Variants in GCSAM observed in about 807,000 individuals in gnomAD.
The protein encoded by GCSAM is germinal center associated signaling and motility.
GCSAM carries 8 observed loss-of-function variants against 17.6 expected under a neutral mutation model. The observed-to-expected ratio is 0.46, with a 90% CI of 0.27 to 0.82. The LOEUF (loss-of-function observed/expected upper bound fraction) is 0.82, where lower values mean the gene tolerates loss of function less well. Among genes scored for constraint, GCSAM ranks in the 40% least tolerant of loss-of-function variants. GCSAM has a pLI of 0.15. For synonymous variants in GCSAM, 68 were observed against 69.0 expected (o/e 0.98, Z 0.07); for missense variants, 192 against 213.5 (o/e 0.90, Z 0.63).
Position 112,123,535 on chromosome 3 carries a change from G to T in GCSAM, c.457C>A (p.Pro153Thr), listed in dbSNP as rs754450933. 1 of 1,614,194 alleles carries T rather than the reference G, an allele frequency of 6.2e-7. No homozygotes were observed. Among genetic ancestry groups the T allele is most frequent in the Middle Eastern group, 1.6e-4 (1 of 6,062 alleles). The change falls in exon 6 of 6, where the codon CCT becomes ACT. Residue 153 changes from proline (P) to threonine (T), a missense_variant. Coordinates refer to ENST00000308910, the MANE Select transcript of GCSAM (RefSeq NM_152785.5). ...SPEDEYELLM[P>T]HRISSHFLQQ... The stretch of plus-strand genomic sequence containing the variant: ...AGAAAGTGAGAGGAGATTCTGTGAG[G>T]CATGAGAAGTTCATATTCATCTTCT...
chr3:112,132,567 A>G (rs981791853), intron 1 of GCSAM: 1 of 701,374 alleles, frequency 1.4e-6, no homozygotes, highest in Non-Finnish European at 1.8e-6. Flanking sequence ...TCTACTTAAA[A>G]TAAAGAGGCT....
chr3:112,132,546 G>A (rs1234980401), intron 1 of GCSAM: 5 of 490,598 alleles, frequency 1.0e-5, no homozygotes, highest in African/African-American at 4.2e-5. Flanking sequence ...GGTAGATATT[G>A]TATTATTATT....
chr3:112,133,239 G>A lies in GCSAM; in HGVS notation c.-119C>T. 2 of 1,046,188 alleles carry A rather than the reference G, an allele frequency of 1.9e-6. No individual in the cohort carries two copies. The highest frequency in any genetic ancestry group is 2.4e-5 in the East Asian group (1 of 41,982). 64.8% of individuals were successfully genotyped at this position (1,046,188 alleles called of 1,614,324 possible). On this transcript the variant is annotated 5_prime_UTR_variant, in exon 1 of 6. Transcript: ENST00000308910. ...CTGTGTGGCTCTGGCCACCCGTGCA[G>A]AGACAGCAGAAAGGAGAAGGGTGTC...
intron 4 of GCSAM, among the ~76,000 whole-genome samples, 188 bp from the exon 5 acceptor site, chr3:112,125,442 G>C (rs996376454): frequency 8.5e-5 from 13 of 152,226 alleles, no homozygotes; most frequent in African/African-American, 3.1e-4. Flanking sequence ...AGCTAGAGCT[G>C]TGCTCAGCCT....
Position 112,123,375 on chromosome 3 carries a change from G to C in GCSAM, c.*80C>G, listed in dbSNP as rs1467938713. ...GGGAGATAAGCTGGAGGGACTTTGT[G>C]TCCCATCCCTGCTTCAGGCAGATCC... is the stretch of plus-strand genomic sequence containing the variant. On this transcript the variant is annotated 3_prime_UTR_variant, in exon 6 of 6. Transcript: ENST00000308910. 1 of 1,556,420 alleles carries C rather than the reference G, an allele frequency of 6.4e-7. No individual in the cohort carries two copies. The highest frequency in any genetic ancestry group is 8.7e-7 in the Non-Finnish European group (1 of 1,152,122).
chr3:112,124,052 T>C (rs2074255626), intron 5 of GCSAM, among the ~76,000 whole-genome samples: 1 of 152,164 alleles, frequency 6.6e-6, no homozygotes, highest in South Asian at 2.1e-4. Flanking sequence ...CCCCTGCAAA[T>C]CTAATGTTGA....
In GCSAM at chr3:112,132,987, T is replaced by A. The variant is rs79311268; in HGVS notation, c.29+105A>T. The A allele has an allele frequency of 2.2e-3, 2,541 of 1,143,018 alleles. 46 individuals are homozygous for A. In the African/African-American group the frequency reaches 0.034, roughly 15 times the overall value. The allele number at this position is 1,143,018 out of a possible 1,614,324, so 70.8% of individuals were successfully genotyped here. ...GCAGTTTCCTTACCCAACTACTTTC[T>A]ACCCCAACTTAGTGTGCTAACTGTA... On this transcript the variant is annotated intron_variant, in intron 1 of 5. Transcript: ENST00000308910.
At position 112,123,284 on chromosome 3, in the gene GCSAM, T is replaced by C; in HGVS notation, c.*171A>G. The C allele has an allele frequency of 8.2e-7, 1 of 1,223,158 alleles. No homozygotes were observed. Among genetic ancestry groups the C allele is most frequent in the South Asian group, 1.6e-5 (1 of 62,374 alleles). The allele number at this position is 1,223,158 out of a possible 1,614,324, so 75.8% of individuals were successfully genotyped here. ...AGGATAAATGGTTGATCTTTAGATT[T>C]TGGCTTTTGCGTGCTAAGAGGGCTT... On this transcript the variant is annotated 3_prime_UTR_variant, in exon 6 of 6. Coordinates refer to ENST00000308910, the MANE Select transcript of GCSAM (RefSeq NM_152785.5).
intron 1 of GCSAM, 163 bp from the exon 2 acceptor site, chr3:112,130,676 G>A (rs1189074643): frequency 1.5e-5 from 10 of 654,080 alleles, no homozygotes; most frequent in East Asian, 2.7e-5. Context: ...AGCACATGTC[G>A]CAAGCTACCT....
intron 1 of GCSAM, 154 bp from the exon 2 acceptor site, chr3:112,130,667 G>T (rs148089799): frequency 1.5e-6 from 1 of 675,622 alleles, no homozygotes; most frequent in African/African-American, 1.8e-5. Flanking sequence ...GTTTCCTCAA[G>T]CACATGTCGC....
chr3:112,124,600 C>T (rs1409767023), intron 5 of GCSAM, among the ~76,000 whole-genome samples: 7 of 152,124 alleles, frequency 4.6e-5, no homozygotes, highest in Non-Finnish European at 1.0e-4. Context: ...AAGAGCAAAA[C>T]TCTGTCTCCA....
intron 4 of GCSAM, among the ~76,000 whole-genome samples, chr3:112,126,575 G>GC (rs1377240385): frequency 1.3e-5 from 2 of 152,028 alleles, no homozygotes; most frequent in Non-Finnish European, 2.9e-5. Flanking sequence ...AATCATACTT[G>GC]CCCCCGCCTC....
At position 112,123,674 on chromosome 3, in the gene GCSAM, G is replaced by A; in HGVS notation, c.318C>T (p.Tyr106=). ...TRPSGNSAEE[Y]YENVPCKAER... ...CAGCTTTGCAGGGAACATTCTCATA[G>A]TACTCTTCAGCAGAGTTCCCTGATG... The change falls in exon 6 of 6, where the codon TAC becomes TAT. Residue 106 remains tyrosine, a synonymous_variant. Coordinates refer to ENST00000308910, the MANE Select transcript of GCSAM (RefSeq NM_152785.5). The A allele has an allele frequency of 6.2e-7, 1 of 1,614,160 alleles. No homozygotes were observed. The highest frequency in any genetic ancestry group is 8.5e-7 in the Non-Finnish European group (1 of 1,180,006).
intron 1 of GCSAM, 184 bp from the exon 2 acceptor site, chr3:112,130,697 A>G (rs2074432869): frequency 4.9e-6 from 3 of 615,304 alleles, no homozygotes; most frequent in Non-Finnish European, 5.9e-6. Context: ...TTGATCTGAC[A>G]TGCTCTCCAT....
intron 1 of GCSAM, chr3:112,132,676 G>C: frequency 1.6e-5 from 16 of 987,400 alleles, no homozygotes; most frequent in Non-Finnish European, 1.9e-5. Flanking sequence ...GACTCAAGGT[G>C]GCAGGAAGCT....
rs919998403 is a variant in GCSAM, at chr3:112,120,960, A to G, written c.*2495T>C. ...TTCTTAATATTATTTTTGACTGACAAATCATAATTGTGTATATCATATTGG... is the reference window on the plus strand; with the variant it reads ...TTCTTAATATTATTTTTGACTGACAGATCATAATTGTGTATATCATATTGG... On this transcript the variant is annotated 3_prime_UTR_variant, in exon 6 of 6. Coordinates refer to ENST00000308910, the MANE Select transcript of GCSAM (RefSeq NM_152785.5). 6 of 152,182 alleles carry G rather than the reference A, an allele frequency of 3.9e-5. No individual in the cohort carries two copies. Among genetic ancestry groups the G allele is most frequent in the African/African-American group, 1.4e-4 (6 of 41,436 alleles). 9.4% of individuals were successfully genotyped at this position (152,182 alleles called of 1,614,324 possible).
chr3:112,128,295 A>G (rs1026831937), intron 2 of GCSAM: 16 of 667,894 alleles, frequency 2.4e-5, no homozygotes, highest in Non-Finnish European at 4.4e-5. Context: ...TTCCCAGCAA[A>G]GGAAAAATGT....
Position 112,123,328 on chromosome 3 carries a change from TCTGC to T in GCSAM, c.*123_*126del. 4.0e-6 allele frequency: 6 copies of T among 1,486,198 alleles called. No homozygotes were observed. Among genetic ancestry groups the T allele is most frequent in the Non-Finnish European group, 5.3e-6 (6 of 1,121,940 alleles). The allele number at this position is 1,486,198 out of a possible 1,614,324, so 92.1% of individuals were successfully genotyped here. On this transcript the variant is annotated 3_prime_UTR_variant, in exon 6 of 6. Transcript: ENST00000308910. Reference sequence around the variant, plus strand: ...AGGGCTTGTGGTATACAAACCATGCTCTGCAGGGAAAGGGTTGTTGTGGGAGATA... The same window carrying T: ...AGGGCTTGTGGTATACAAACCATGCTAGGGAAAGGGTTGTTGTGGGAGATA...
intron 3 of GCSAM, 94 bp downstream of exon 3, chr3:112,127,923 A>G: frequency 9.9e-7 from 1 of 1,010,268 alleles, no homozygotes. Flanking sequence ...ACAGGCTTCC[A>G]CTGTGGCCAC....
Sources: gnomAD v4.1 joint callset for allele counts (sites outside exome capture counted in the v4.1 genomes callset) on GRCh38, gnomAD v4.1.1 for gene constraint, MANE v1.5 for transcripts, NCBI Gene and HGNC (gene_info 2026-07-23, HGNC 2026-07-21) for gene names.